TRPA1: variants seen among roughly 807,000 people sequenced by gnomAD.
TRPA1 encodes the protein transient receptor potential cation channel subfamily A member 1, also known as ankyrin-like with transmembrane domains 1.
TRPA1 carries 129 observed loss-of-function variants against 131.3 expected under a neutral mutation model. That is an observed-to-expected ratio of 0.98 (90% CI 0.85 to 1.14). The LOEUF is 1.14. Among genes scored for constraint, TRPA1 ranks in the 50% most tolerant of loss-of-function variants. The probability of loss-of-function intolerance (pLI) is 0.00; values close to 1 mark genes in which losing one functional copy is unlikely to be tolerated. For synonymous variants in TRPA1, 441 were observed against 451.7 expected (o/e 0.98, Z 0.30); for missense variants, 1,304 against 1,354.2 (o/e 0.96, Z 0.58).
Position 72,071,698 on chromosome 8 carries a change from A to C in TRPA1, c.268+13T>G. ...GAATGATTTCTGGAAGATGAATTGT[A>C]ATATTTTGTTACCTTCCAAAGAGGA... On this transcript the variant is annotated intron_variant, in intron 2 of 26. Coordinates refer to ENST00000262209, the MANE Select transcript of TRPA1 (RefSeq NM_007332.3). 1 of 1,613,090 alleles carries C rather than the reference A, an allele frequency of 6.2e-7. No homozygotes were observed. Among genetic ancestry groups the C allele is most frequent in the Non-Finnish European group, 8.5e-7 (1 of 1,179,342 alleles).
At chr8:72,065,177 C>G (rs1021505149) in intron 4 of TRPA1, among the ~76,000 whole-genome samples, 1 of 152,200 alleles carries the variant, frequency 6.6e-6, no homozygotes, top group African/African-American at 2.4e-5. Flanking sequence ...CCACCAGCTT[C>G]ATCTCAACTT....
chr8:72,078,389 G>A (rs1806228839), upstream of TRPA1, among the ~76,000 whole-genome samples: 1 of 152,170 alleles, frequency 6.6e-6, no homozygotes, highest in South Asian at 2.1e-4. Flanking sequence ...AGACCCAGAT[G>A]CAGTAAATCC....
At chr8:72,038,188 C>G in intron 19 of TRPA1, 116 bp from the exon 20 acceptor site, 1 of 602,362 alleles carries the variant, frequency 1.7e-6, no homozygotes, top group South Asian at 2.1e-5. Context: ...TTTCTATATA[C>G]TGTCCACTTT....
At chr8:72,050,252 G>A (rs1389219906) in intron 15 of TRPA1, among the ~76,000 whole-genome samples, 1 of 152,132 alleles carries the variant, frequency 6.6e-6, no homozygotes, top group Non-Finnish European at 1.5e-5. Context: ...CTTCATCCAT[G>A]TTTTTAAATA....
chr8:72,022,336 G>C lies in TRPA1; in HGVS notation c.*570C>G, dbSNP rs899893534. On this transcript the variant is annotated 3_prime_UTR_variant, in exon 27 of 27. Coordinates refer to ENST00000262209, the MANE Select transcript of TRPA1 (RefSeq NM_007332.3). ...ACTATATGGCTCAAAGTGACATCAG[G>C]TGTGTTGGGGACAGCAAGAAGGGTG... 1 of 171,182 alleles carries C rather than the reference G, an allele frequency of 5.8e-6. No homozygotes were observed. Among genetic ancestry groups the C allele is most frequent in the South Asian group, 1.4e-4 (1 of 7,076 alleles). The allele number at this position is 171,182 out of a possible 1,614,324, so 10.6% of individuals were successfully genotyped here.
chr8:72,022,908 A>G lies in TRPA1; in HGVS notation c.3358T>C (p.Ter1120GlnextTer14). ...AGCCTCACTGAAGGTCTGAGGAGCT[A>G]AGGCTCAAGATGGTGTGTTTTTGCC... ...VKAKTHHLEP* is the reference protein window; with the variant it reads ...VKAKTHHLEPQ Residue 1120 changes from the stop codon to glutamine, a stop_lost, in exon 27 of 27, where the codon TAG becomes CAG. Coordinates refer to ENST00000262209, the MANE Select transcript of TRPA1 (RefSeq NM_007332.3). 1 of 1,613,546 alleles carries G rather than the reference A, an allele frequency of 6.2e-7. No individual in the cohort carries two copies. Among genetic ancestry groups the G allele is most frequent in the Non-Finnish European group, 8.5e-7 (1 of 1,179,700 alleles).
intron 15 of TRPA1, among the ~76,000 whole-genome samples, chr8:72,049,226 T>C (rs1246830345): frequency 3.9e-5 from 6 of 152,130 alleles, no homozygotes; most frequent in Admixed American, 1.3e-4. Flanking sequence ...TAGTAGGAGG[T>C]ATATTATGTA....
Position 72,053,001 on chromosome 8 carries a change from TAGAGAAAGAG to T in TRPA1, c.1645-246_1645-237del, listed in dbSNP as rs1373959380. On this transcript the variant is annotated intron_variant, in intron 13 of 26. Transcript: ENST00000262209. The stretch of plus-strand genomic sequence containing the variant: ...TGTGTGTGTGTGTGTGTGTGAGAGA[TAGAGAAAGAG>T]AGAGAGAGAGAGAGAGAGAGAGAGA... 77 of 196,130 alleles carry T rather than the reference TAGAGAAAGAG, an allele frequency of 3.9e-4. 2 individuals carry two copies. Among genetic ancestry groups the T allele is most frequent in the African/African-American group, 6.8e-4 (14 of 20,534 alleles). 12.1% of individuals were successfully genotyped at this position (196,130 alleles called of 1,614,324 possible).
At chr8:72,078,620 T>G (rs7841284), upstream of TRPA1, among the ~76,000 whole-genome samples, 5,831 of 152,206 alleles carry the variant, frequency 0.038, 375 homozygotes, top group African/African-American at 0.13. Flanking sequence ...AGTATTCCAT[T>G]GTATGGGTAT....
At chr8:72,050,745 A>C in intron 15 of TRPA1, 33 bp downstream of exon 15, 2 of 1,386,342 alleles carry the variant, frequency 1.4e-6, no homozygotes, top group Admixed American at 1.7e-5. Context: ...GTCAAGCATA[A>C]ACCCGGGAAG....
chr8:72,062,564 A>G (rs1007695537), intron 6 of TRPA1, among the ~76,000 whole-genome samples: 2 of 152,134 alleles, frequency 1.3e-5, no homozygotes, highest in Non-Finnish European at 2.9e-5. Flanking sequence ...TGCACTAGAT[A>G]TATAGTCTTT....
In TRPA1 at chr8:72,037,985, G is replaced by A. The variant is rs774428145; in HGVS notation, c.2383C>T (p.Gln795Ter). 3.8e-6 allele frequency: 6 copies of A among 1,582,854 alleles called. No homozygotes were observed. In the South Asian group the frequency reaches 6.7e-5, roughly 18 times the overall value. The change falls in exon 20 of 27, where the codon CAG (glutamine) becomes TAG (stop). Residue 795 changes from glutamine to a stop codon, truncating the protein, a stop_gained and splice_region_variant. Coordinates refer to ENST00000262209, the MANE Select transcript of TRPA1 (RefSeq NM_007332.3). LOFTEE classifies it high-confidence loss of function. ...YCKEAGQIFQ[Q>*]KRNYFMDISN... ...GAGATACAAAATGTATTACATACCT[G>A]TTGGAAAATTTGCCCCGCTTCTTTG...
At chr8:72,079,880 G>T (rs574709150), upstream of TRPA1, among the ~76,000 whole-genome samples, 2 of 151,814 alleles carry the variant, frequency 1.3e-5, no homozygotes, top group African/African-American at 4.8e-5. Flanking sequence ...GCATATTTTT[G>T]GTTAAATGTA....
At position 72,056,769 on chromosome 8, in the gene TRPA1, CTAAA is replaced by C. The variant is rs1221094726; in HGVS notation, c.1194+144_1194+147del. 28 of 661,454 alleles carry C rather than the reference CTAAA, an allele frequency of 4.2e-5. 1 individual carries two copies. Among genetic ancestry groups the C allele is most frequent in the East Asian group, 2.8e-4 (10 of 35,182 alleles). 41.0% of individuals were successfully genotyped at this position (661,454 alleles called of 1,614,324 possible). On this transcript the variant is annotated intron_variant, in intron 10 of 26. Coordinates refer to ENST00000262209, the MANE Select transcript of TRPA1 (RefSeq NM_007332.3). ...CACCACCACCATCACCATGTTGTAA[CTAAA>C]TAGTCAAATATGTCATCTTTATTTT... is the stretch of plus-strand genomic sequence containing the variant.
chr8:72,070,400 C>CA (rs1312108192), intron 2 of TRPA1, among the ~76,000 whole-genome samples: 1 of 152,150 alleles, frequency 6.6e-6, no homozygotes, highest in African/African-American at 2.4e-5. Flanking sequence ...AAGAATCACT[C>CA]CATTCATCAT....
chr8:72,063,348 C>G, intron 5 of TRPA1, 115 bp downstream of exon 5: 3 of 747,620 alleles, frequency 4.0e-6, no homozygotes, highest in Admixed American at 4.5e-5. Flanking sequence ...CCACTGCACT[C>G]CAGCCTGGGT....
intron 24 of TRPA1, among the ~76,000 whole-genome samples, chr8:72,027,432 T>C (rs1039141278): frequency 1.3e-5 from 2 of 152,162 alleles, no homozygotes; most frequent in African/African-American, 4.8e-5. Flanking sequence ...ACGCTGCGGA[T>C]TTCCCTTTCT....
chr8:72,076,068 C>G (rs938746261), upstream of TRPA1, among the ~76,000 whole-genome samples: 16 of 152,126 alleles, frequency 1.1e-4, no homozygotes, highest in Non-Finnish European at 2.2e-4. Context: ...TTGGAAATAA[C>G]GTTTTTAACA....
At chr8:72,052,995 G>GTGTGTGTGTGTGTGTGTGAT (rs71265966) in intron 13 of TRPA1, 7 of 351,564 alleles carry the variant, frequency 2.0e-5, no homozygotes, top group East Asian at 6.3e-5. Context: ...GTGTGTGTGT[G>GTGTGTGTGTGTGTGTGTGAT]AGAGATAGAG....
Sources: gnomAD v4.1 joint callset for allele counts (sites outside exome capture counted in the v4.1 genomes callset) on GRCh38, gnomAD v4.1.1 for gene constraint, MANE v1.5 for transcripts, NCBI Gene and HGNC (gene_info 2026-07-23, HGNC 2026-07-21) for gene names.